The following SLC25A19 variants were observed in gnomAD, a reference collection of about 807,000 sequenced individuals.
SLC25A19 encodes the protein mitochondrial thiamine pyrophosphate carrier.
SLC25A19 carries 18 observed loss-of-function variants against 27.9 expected under a neutral mutation model. The ratio of observed to expected loss-of-function variants is 0.64; its 90% CI spans 0.45 to 0.96. The LOEUF (loss-of-function observed/expected upper bound fraction) is 0.96. Among genes scored for constraint, SLC25A19 ranks in the 40% least tolerant of loss-of-function variants. The pLI is 0.00. For missense variants in SLC25A19, 371 were observed against 418.3 expected (o/e 0.89, Z 0.99); for synonymous variants, 169 against 167.1 (o/e 1.01, Z -0.09).
chr17:75,280,171 A>T (rs2078004109), intron 5 of SLC25A19, among the ~76,000 whole-genome samples: 1 of 152,118 alleles, frequency 6.6e-6, no homozygotes, highest in Admixed American at 6.5e-5. Context: ...GTTCGAGAAC[A>T]GCCTGGGCAA....
chr17:75,289,308 G>A (rs1046307939), intron 1 of SLC25A19, 46 bp downstream of exon 1: 1 of 152,360 alleles, frequency 6.6e-6, no homozygotes, highest in African/African-American at 2.4e-5. Flanking sequence ...CGAGGGTGCT[G>A]GTCCCCGAGA....
intron 6 of SLC25A19, among the ~76,000 whole-genome samples, chr17:75,277,897 C>G (rs764639826): frequency 4.0e-5 from 6 of 151,098 alleles, no homozygotes; most frequent in African/African-American, 7.3e-5. Context: ...ATTTGGACTT[C>G]TGACAAAAAT....
chr17:75,285,851 C>T lies in SLC25A19; in HGVS notation c.288+453G>A, dbSNP rs73996009. On this transcript the variant is annotated intron_variant, in intron 4 of 7. Coordinates refer to ENST00000416858, the MANE Select transcript of SLC25A19 (RefSeq NM_001126121.2). ...GCACTATGACTATACTAGTGCTCCA[C>T]TGAACGAAGCATGAGTTCTAACCCT... Among the ~76,000 whole-genome samples the T allele has an allele frequency of 2.5e-3, 377 of 152,320 alleles. 3 individuals carry two copies. The highest frequency in any genetic ancestry group is 8.3e-3 in the African/African-American group (344 of 41,572).
In SLC25A19 at chr17:75,283,571, G is replaced by A. The variant is rs141366591; in HGVS notation, c.311C>T (p.Thr104Met). Residue 104 changes from threonine to methionine, a missense_variant, in exon 5 of 8, where the codon ACG becomes ATG. Transcript: ENST00000416858. ...AVQFLSFEML[T>M]ELVHRGSVYD... ...CACGCTGCCTCTGTGGACCAGCTCC[G>A]TCAGCATTTCAAATGACAAGAACTG... is the stretch of plus-strand genomic sequence containing the variant. The A allele has an allele frequency of 6.2e-6, 10 of 1,613,374 alleles. No individual in the cohort carries two copies. The highest frequency in any genetic ancestry group is 5.3e-5 in the African/African-American group (4 of 74,914).
In SLC25A19 at chr17:75,278,261, C is replaced by A. The variant is rs762380062; in HGVS notation, c.534G>T (p.Leu178Phe). ...SEGPQVFYKG[L>F]APTLIAIFPY... is the part of the protein sequence containing the mutation. The stretch of plus-strand genomic sequence containing the variant: ...GGAAGATGGCGATCAAGGTGGGAGC[C>A]AAGCCTTTGTAGAAAACCTGGGGGC... The change falls in exon 6 of 8, where the codon TTG (leucine) becomes TTT (phenylalanine). Residue 178 changes from leucine to phenylalanine, a missense_variant. Physicochemically the swap from Leu to Phe is conservative, Grantham distance 22. Coordinates refer to ENST00000416858, the MANE Select transcript of SLC25A19 (RefSeq NM_001126121.2). 13 of 1,614,022 alleles carry A rather than the reference C, an allele frequency of 8.1e-6. No homozygotes were observed. Among genetic ancestry groups the A allele is most frequent in the Non-Finnish European group, 1.1e-5 (13 of 1,180,014 alleles).
chr17:75,278,156 T>C lies in SLC25A19; in HGVS notation c.639A>G (p.Lys213=), dbSNP rs751348720. 3.7e-6 allele frequency: 6 copies of C among 1,613,388 alleles called. No individual in the cohort carries two copies. In the East Asian group the frequency reaches 8.9e-5, roughly 24 times the overall value. Residue 213 remains lysine (K), a synonymous_variant, in exon 6 of 8, where the codon AAA becomes AAG. Transcript: ENST00000416858. ...CTCGTGTGAGGGCTGCCTCACCATTTTTCTTTCCTTCGGCTGGTATGGCCC... is the reference window on the plus strand; with the variant it reads ...CTCGTGTGAGGGCTGCCTCACCATTCTTCTTTCCTTCGGCTGGTATGGCCC... ...YKWAIPAEGK[K]NENLQNLLCG...
chr17:75,273,798 T>G, intron 7 of SLC25A19, 159 bp from the exon 8 acceptor site: 1 of 696,616 alleles, frequency 1.4e-6, no homozygotes. Flanking sequence ...TCTCACTCTG[T>G]TGCCCAGGCT....
chr17:75,286,869 C>T, intron 2 of SLC25A19, 67 bp from the exon 3 acceptor site: 2 of 1,466,600 alleles, frequency 1.4e-6, no homozygotes, highest in South Asian at 2.4e-5. Flanking sequence ...AATATCACCT[C>T]CTCAGAGCAG....
At chr17:75,285,907 G>A (rs771753852) in intron 4 of SLC25A19, among the ~76,000 whole-genome samples, 40 of 152,260 alleles carry the variant, frequency 2.6e-4, no homozygotes, top group Middle Eastern at 3.4e-3. Flanking sequence ...GTGTGGCCTC[G>A]GACAGCTGAC....
intron 7 of SLC25A19, among the ~76,000 whole-genome samples, chr17:75,275,372 C>G (rs180935973): frequency 6.6e-6 from 1 of 152,082 alleles, no homozygotes; most frequent in African/African-American, 2.4e-5. Flanking sequence ...CCAGCTCTTT[C>G]TCTTCCCCCA....
At chr17:75,275,730 G>A (rs949981983) in intron 7 of SLC25A19, among the ~76,000 whole-genome samples, 4 of 152,126 alleles carry the variant, frequency 2.6e-5, no homozygotes, top group East Asian at 1.9e-4. Flanking sequence ...TGAGGCGGAC[G>A]GATCAACTGA....
At position 75,286,677 on chromosome 17, in the gene SLC25A19, G is replaced by C; in HGVS notation, c.88C>G (p.Arg30Gly). The C allele has an allele frequency of 6.2e-7, 1 of 1,614,110 alleles. No homozygotes were observed. Among genetic ancestry groups the C allele is most frequent in the Non-Finnish European group, 8.5e-7 (1 of 1,180,032 alleles). ...VAGSVSGLVT[R>G]ALISPFDVIK... ...ACGTCGAAGGGACTGATCAGCGCCCGAGTAACAAGTCCAGACACAGACCCA... is the reference window on the plus strand; with the variant it reads ...ACGTCGAAGGGACTGATCAGCGCCCCAGTAACAAGTCCAGACACAGACCCA... Residue 30 changes from arginine (R) to glycine (G), a missense_variant, in exon 3 of 8, where the codon CGG becomes GGG. Coordinates refer to ENST00000416858, the MANE Select transcript of SLC25A19 (RefSeq NM_001126121.2).
At chr17:75,282,098 C>T (rs371406101) in intron 5 of SLC25A19, among the ~76,000 whole-genome samples, 2 of 151,214 alleles carry the variant, frequency 1.3e-5, no homozygotes, top group Non-Finnish European at 2.9e-5. Context: ...GACGAAACCC[C>T]GTCTCTAAAA....
At chr17:75,280,719 G>A (rs1368000650) in intron 5 of SLC25A19, among the ~76,000 whole-genome samples, 2 of 151,860 alleles carry the variant, frequency 1.3e-5, no homozygotes, top group South Asian at 2.1e-4. Flanking sequence ...AGGCTGAGGC[G>A]GGAGAATCAC....
At position 75,277,385 on chromosome 17, in the gene SLC25A19, C is replaced by T; in HGVS notation, c.742G>A (p.Gly248Arg). The T allele has an allele frequency of 6.2e-7, 1 of 1,614,022 alleles. No individual in the cohort carries two copies. Among genetic ancestry groups the T allele is most frequent in the Non-Finnish European group, 8.5e-7 (1 of 1,179,986 alleles). ...DLFKKRLQVG[G>R]FEHARAAFGQ... ...AAGGCAGCTCTGGCATGCTCAAACC[C>T]TCCAACCTGTAGCCGCTTCTTGAAG... Residue 248 changes from glycine (G) to arginine (R), a missense_variant, in exon 7 of 8, where the codon GGG becomes AGG. Transcript: ENST00000416858.
chr17:75,286,733 C>G lies in SLC25A19; in HGVS notation c.32G>C (p.Arg11Thr). Reference sequence around the variant, plus strand: ...TGCCACCTGGAACTTGGTGTTATTCCTGCCATCTGGTTTGGGGTCATAGCC... The same window carrying G: ...TGCCACCTGGAACTTGGTGTTATTCGTGCCATCTGGTTTGGGGTCATAGCC... MVGYDPKPDG[R>T]NNTKFQVAVA... is the part of the protein sequence containing the mutation. The change falls in exon 3 of 8, where the codon AGG becomes ACG. Residue 11 changes from arginine (R) to threonine (T), a missense_variant. Arg to Thr is a moderately conservative substitution (Grantham distance 71). Coordinates refer to ENST00000416858, the MANE Select transcript of SLC25A19 (RefSeq NM_001126121.2). The G allele has an allele frequency of 6.2e-7, 1 of 1,614,166 alleles. No individual in the cohort carries two copies. The highest frequency in any genetic ancestry group is 8.5e-7 in the Non-Finnish European group (1 of 1,180,034).
intron 2 of SLC25A19, chr17:75,287,708 G>C (rs2078216081): frequency 1.3e-5 from 2 of 152,266 alleles, no homozygotes; most frequent in African/African-American, 4.8e-5. Flanking sequence ...TGCAGGGCTG[G>C]AGAACAGGGA....
At position 75,286,446 on chromosome 17, in the gene SLC25A19, C is replaced by T. The variant is rs141184131; in HGVS notation, c.146G>A (p.Arg49His). Residue 49 changes from arginine (R) to histidine (H), a missense_variant, in exon 4 of 8, where the codon CGC becomes CAC. Arg to His is a conservative substitution (Grantham distance 29). Coordinates refer to ENST00000416858, the MANE Select transcript of SLC25A19 (RefSeq NM_001126121.2). ...TGCGCTGGGGTCACTGCGAGACAGG[C>T]GCTCATGCTGAAGCTAGGAATCAAA... The part of the protein sequence containing the change: ...IKIRFQLQHE[R>H]LSRSDPSAKY... 6.2e-5 allele frequency: 100 copies of T among 1,614,022 alleles called. No homozygotes were observed. The African/African-American group carries it at 8.5e-4, about 14-fold the overall frequency.
intron 4 of SLC25A19, among the ~76,000 whole-genome samples, chr17:75,284,633 CTTTTTTTTTTT>C (rs1555604197): frequency 5.5e-4 from 62 of 112,300 alleles, no homozygotes; most frequent in African/African-American, 2.0e-3. Context: ...TCAGATCTTT[CTTTTTTTTTTT>C]TTTTTTTTTT....
Sources: allele counts gnomAD v4.1 joint callset (sites outside exome capture counted in the v4.1 genomes callset), GRCh38; gene constraint gnomAD v4.1.1; transcripts MANE v1.5; gene names NCBI Gene and HGNC (gene_info 2026-07-23, HGNC 2026-07-21).